N4BP2: variants seen among roughly 807,000 people sequenced by gnomAD.
N4BP2 encodes the protein NEDD4-binding protein 2.
Under a neutral mutation model 152.8 loss-of-function variants are expected in N4BP2, and 91 were observed. That is an observed-to-expected ratio of 0.60 (90% CI 0.50 to 0.71). The LOEUF is 0.71. Among genes scored for constraint, N4BP2 ranks in the 30% least tolerant of loss-of-function variants. N4BP2 has a pLI of 0.00. For synonymous variants in N4BP2, 646 were observed against 705.3 expected (o/e 0.92, Z 1.33); for missense variants, 1,923 against 2,059.1 (o/e 0.93, Z 1.28).
At position 40,120,110 on chromosome 4, in the gene N4BP2, G is replaced by T. The variant is rs1415556390; in HGVS notation, c.1999G>T (p.Asp667Tyr). The stretch of plus-strand genomic sequence containing the variant: ...AAACAAAAGAAGAAAAGAAATAAGT[G>T]ATATGAATCCTAGCATTCAAAGTGC... ...DLNKRRKEIS[D>Y]MNPSIQSALI... The change falls in exon 9 of 18, where the codon GAT becomes TAT. Residue 667 changes from aspartate to tyrosine, a missense_variant. Physicochemically the swap from Asp to Tyr is radical, Grantham distance 160. Coordinates refer to ENST00000261435, the MANE Select transcript of N4BP2 (RefSeq NM_018177.6). 2.5e-6 allele frequency: 4 copies of T among 1,611,486 alleles called. No individual in the cohort carries two copies. The highest frequency in any genetic ancestry group is 1.7e-5 in the Admixed American group (1 of 59,312).
At chr4:40,161,144 A>G (rs1721848924), downstream of N4BP2, among the ~76,000 whole-genome samples, 1 of 152,214 alleles carries the variant, frequency 6.6e-6, no homozygotes, top group Non-Finnish European at 1.5e-5. Flanking sequence ...CAAAAAAATG[A>G]GAAGTCGAGA....
intron 1 of N4BP2, among the ~76,000 whole-genome samples, chr4:40,065,946 T>TC (rs397952773): frequency 6.6e-6 from 1 of 151,800 alleles, no homozygotes; most frequent in African/African-American, 2.4e-5. Flanking sequence ...TTTTTTTTTT[T>TC]CTTGAGATGG....
intron 16 of N4BP2, among the ~76,000 whole-genome samples, chr4:40,146,379 A>G (rs556528379): frequency 6.6e-6 from 1 of 152,016 alleles, no homozygotes; most frequent in South Asian, 2.1e-4. Flanking sequence ...CAGTACTCCT[A>G]CCTCTCACAG....
chr4:40,132,347 G>A (rs1020202461), intron 13 of N4BP2, among the ~76,000 whole-genome samples: 20 of 151,464 alleles, frequency 1.3e-4, no homozygotes, highest in African/African-American at 4.1e-4. Context: ...TTTTATTTAG[G>A]GAGTCTGTTA....
rs1261112373 is a variant in N4BP2 at position 40,102,221 on chromosome 4, G to A, written c.376G>A (p.Glu126Lys). 1 of 1,614,022 alleles carries A rather than the reference G, an allele frequency of 6.2e-7. No individual in the cohort carries two copies. The highest frequency in any genetic ancestry group is 1.1e-5 in the South Asian group (1 of 91,062). The change falls in exon 4 of 18, where the codon GAA becomes AAA. Residue 126 changes from glutamate (E) to lysine (K), a missense_variant. By Grantham distance (56) the Glu-to-Lys change is moderately conservative. Transcript: ENST00000261435. The part of the protein sequence containing the change: ...IMEKRPEEES[E>K]DSKMDSFLDM... ...GGAAAAACGTCCTGAAGAAGAGAGT[G>A]AAGATTCAAAAATGGATTCATTTTT... is the stretch of plus-strand genomic sequence containing the variant.
chr4:40,121,759 G>A lies in N4BP2; in HGVS notation c.3648G>A (p.Ser1216=), dbSNP rs777145206. 15 of 1,613,658 alleles carry A rather than the reference G, an allele frequency of 9.3e-6. No individual in the cohort carries two copies. The highest frequency in any genetic ancestry group is 1.7e-5 in the Admixed American group (1 of 59,872). ...MRAVTPENHE[S]MTSIFPSAAV... The stretch of plus-strand genomic sequence containing the variant: ...CTGTCACTCCTGAAAACCATGAATC[G>A]ATGACAAGTATATTTCCCAGTGCTG... The change falls in exon 9 of 18, where the codon TCG becomes TCA. Residue 1216 remains serine, a synonymous_variant. Coordinates refer to ENST00000261435, the MANE Select transcript of N4BP2 (RefSeq NM_018177.6).
chr4:40,062,543 T>C (rs1247292656), intron 1 of N4BP2, among the ~76,000 whole-genome samples: 1 of 151,716 alleles, frequency 6.6e-6, no homozygotes, highest in Non-Finnish European at 1.5e-5. Context: ...TCATGGCCTT[T>C]AGGATAACTT....
intron 4 of N4BP2, among the ~76,000 whole-genome samples, chr4:40,103,946 A>G (rs1213361285): frequency 6.6e-6 from 1 of 151,944 alleles, no homozygotes; most frequent in African/African-American, 2.4e-5. Context: ...CACCTAATCT[A>G]TTTTATATGC....
At chr4:40,091,193 C>T (rs1714505691) in intron 2 of N4BP2, among the ~76,000 whole-genome samples, 1 of 151,744 alleles carries the variant, frequency 6.6e-6, no homozygotes, top group Non-Finnish European at 1.5e-5. Flanking sequence ...CATAGATAAC[C>T]ATGTTATCTG....
intron 12 of N4BP2, among the ~76,000 whole-genome samples, chr4:40,131,002 A>T (rs1319808381): frequency 2.6e-5 from 4 of 152,160 alleles, no homozygotes; most frequent in Non-Finnish European, 5.9e-5. Flanking sequence ...TAATTCTTAT[A>T]CAGTTATTTT....
At chr4:40,176,089 C>CAAA in the N4BP2 span, among the ~76,000 whole-genome samples, 52 of 83,508 alleles carry the variant, frequency 6.2e-4, no homozygotes, top group African/African-American at 2.3e-3. Context: ...GACTCCGTCT[C>CAAA]AAAAAAAAAA....
chr4:40,073,938 G>T (rs762014206), intron 2 of N4BP2, among the ~76,000 whole-genome samples: 4 of 151,928 alleles, frequency 2.6e-5, no homozygotes, highest in Non-Finnish European at 5.9e-5. Flanking sequence ...GATTACAGGC[G>T]CATGCCACCA....
At chr4:40,095,366 C>T (rs894871736) in intron 2 of N4BP2, among the ~76,000 whole-genome samples, 7 of 152,240 alleles carry the variant, frequency 4.6e-5, no homozygotes, top group African/African-American at 1.7e-4. Flanking sequence ...CAGGCGTGAG[C>T]CATAACGCCC....
chr4:40,103,075 A>G lies in N4BP2; in HGVS notation c.1230A>G (p.Val410=), dbSNP rs1377911350. ...SVISHTSPTK[V]WRNKDGTSAY... ...TTTCTCACACTTCCCCAACAAAAGT[A>G]TGGAGAAATAAAGATGGAACAAGTG... Residue 410 remains valine (V), a synonymous_variant, in exon 4 of 18, where the codon GTA becomes GTG. Transcript: ENST00000261435. 1.9e-6 allele frequency: 3 copies of G among 1,614,200 alleles called. No homozygotes were observed. The highest frequency in any genetic ancestry group is 1.7e-6 in the Non-Finnish European group (2 of 1,180,024).
the N4BP2 span, among the ~76,000 whole-genome samples, chr4:40,164,776 CTATT>C: frequency 6.6e-6 from 1 of 152,128 alleles, no homozygotes; most frequent in African/African-American, 2.4e-5. Flanking sequence ...TGCTTCTTGC[CTATT>C]TATTTAATCC....
intron 13 of N4BP2, among the ~76,000 whole-genome samples, chr4:40,136,219 G>GTT (rs758922100): frequency 2.5e-4 from 36 of 143,742 alleles, no homozygotes; most frequent in Non-Finnish European, 4.9e-4. Context: ...AAGGTCTATT[G>GTT]TCTGTGTTTG....
intron 1 of N4BP2, among the ~76,000 whole-genome samples, chr4:40,059,926 T>C (rs1733524821): frequency 6.6e-6 from 1 of 152,142 alleles, no homozygotes; most frequent in Non-Finnish European, 1.5e-5. Flanking sequence ...GACTAGTGTG[T>C]GGGAGTGTTA....
chr4:40,171,413 G>A, the N4BP2 span, among the ~76,000 whole-genome samples: 13 of 152,120 alleles, frequency 8.5e-5, no homozygotes, highest in South Asian at 2.1e-4. Context: ...GGTGATTCCC[G>A]TGCAACATGG....
At position 40,120,010 on chromosome 4, in the gene N4BP2, T is replaced by C. The variant is rs1356565748; in HGVS notation, c.1899T>C (p.Thr633=). The C allele has an allele frequency of 5.7e-6, 9 of 1,584,754 alleles. No individual in the cohort carries two copies. The highest frequency in any genetic ancestry group is 8.6e-7 in the Non-Finnish European group (1 of 1,157,250). Residue 633 remains threonine, a synonymous_variant, in exon 9 of 18, where the codon ACT becomes ACC. Transcript: ENST00000261435. ...LSLSLKHLEF[T]EEKNLDVTKE... is the part of the protein sequence containing the mutation. ...TATCTTTGAAGCATCTAGAGTTCACTGAAGAGAAGAATCTTGATGTAACCA... is the reference window on the plus strand; with the variant it reads ...TATCTTTGAAGCATCTAGAGTTCACCGAAGAGAAGAATCTTGATGTAACCA...
Sources: allele counts gnomAD v4.1 joint callset (sites outside exome capture counted in the v4.1 genomes callset), GRCh38; gene constraint gnomAD v4.1.1; transcripts MANE v1.5; gene names NCBI Gene and HGNC (gene_info 2026-07-23, HGNC 2026-07-21).